The following FBXL13 variants were observed in gnomAD, a reference collection of about 807,000 sequenced individuals.
The protein encoded by FBXL13 is F-box and leucine rich repeat protein 13.
FBXL13 carries 67 observed loss-of-function variants against 83.6 expected under a neutral mutation model. That is an observed-to-expected ratio of 0.80 (90% CI 0.66 to 0.98). FBXL13 has a LOEUF of 0.98. Among genes scored for constraint, FBXL13 ranks in the 50% least tolerant of loss-of-function variants. The pLI, the probability that FBXL13 is intolerant of heterozygous loss-of-function variation, is 0.00. For synonymous variants in FBXL13, 272 were observed against 299.5 expected (o/e 0.91, Z 0.95); for missense variants, 822 against 866.5 (o/e 0.95, Z 0.64).
intron 18 of FBXL13, among the ~76,000 whole-genome samples, chr7:102,827,532 T>A (rs1355732884): frequency 3.4e-5 from 5 of 148,900 alleles, no homozygotes; most frequent in Non-Finnish European, 6.0e-5. Context: ...CCATTGATCA[T>A]TTTTTTTTTA....
At chr7:103,016,115 TTATCAAAC>T (rs1379743422) in intron 6 of FBXL13, among the ~76,000 whole-genome samples, 3 of 152,286 alleles carry the variant, frequency 2.0e-5, no homozygotes, top group Admixed American at 2.0e-4. Flanking sequence ...AATGCTATTC[TTATCAAAC>T]TACCAATGAC....
intron 6 of FBXL13, among the ~76,000 whole-genome samples, chr7:102,991,856 C>T (rs909088387): frequency 1.3e-5 from 2 of 152,118 alleles, no homozygotes; most frequent in African/African-American, 2.4e-5. Context: ...ATAAGTGGTG[C>T]GCAGTGTGAG....
At chr7:102,910,549 T>C (rs989146571) in intron 11 of FBXL13, among the ~76,000 whole-genome samples, 3 of 151,996 alleles carry the variant, frequency 2.0e-5, no homozygotes, top group African/African-American at 7.2e-5. Context: ...AAATAGCCTA[T>C]GCCCTGCTGG....
At chr7:103,014,116 T>C (rs890803678) in intron 6 of FBXL13, among the ~76,000 whole-genome samples, 5 of 152,144 alleles carry the variant, frequency 3.3e-5, no homozygotes, top group Non-Finnish European at 4.4e-5. Flanking sequence ...CAGACTAATA[T>C]TGAGTTCCAA....
chr7:103,024,135 A>AAGAGAGAGAGAGAGAGAGAGAGAG (rs59206823), intron 6 of FBXL13, among the ~76,000 whole-genome samples: 4 of 96,700 alleles, frequency 4.1e-5, no homozygotes, highest in East Asian at 2.7e-4. Context: ...AAAAGTTAAA[A>AAGAGAGAGAGAGAGAGAGAGAGAG]AGAGAGAGAG....
chr7:102,963,663 A>T (rs138864542), exon 8 of FBXL13: 204 of 1,594,230 alleles, frequency 1.3e-4, no homozygotes, highest in Non-Finnish European at 1.6e-4. Flanking sequence ...AGGAAAAATC[A>T]ATCTAAAAAG....
chr7:102,842,827 G>A (rs902098189), intron 17 of FBXL13, among the ~76,000 whole-genome samples: 1 of 152,238 alleles, frequency 6.6e-6, no homozygotes, highest in African/African-American at 2.4e-5. Flanking sequence ...ACAAGACTCA[G>A]AACTCTGAAC....
intron 11 of FBXL13, among the ~76,000 whole-genome samples, chr7:102,895,813 T>C (rs1190107391): frequency 2.0e-5 from 3 of 152,238 alleles, no homozygotes; most frequent in Admixed American, 6.5e-5. Flanking sequence ...ATTAAAACTC[T>C]TTCTCCTACT....
At chr7:102,893,481 G>A (rs987335511) in intron 11 of FBXL13, among the ~76,000 whole-genome samples, 2 of 152,138 alleles carry the variant, frequency 1.3e-5, no homozygotes, top group African/African-American at 4.8e-5. Context: ...TTCAAGAAAG[G>A]AGAGGCTGGG....
intron 11 of FBXL13, among the ~76,000 whole-genome samples, chr7:102,903,146 G>T (rs1460777600): frequency 6.6e-6 from 1 of 151,644 alleles, no homozygotes; most frequent in East Asian, 1.9e-4. Flanking sequence ...TACTTTTTTG[G>T]TTAATTCCTA....
intron 8 of FBXL13, chr7:102,939,352 A>C: frequency 4.9e-6 from 6 of 1,231,676 alleles, no homozygotes; most frequent in Non-Finnish European, 6.8e-6. Context: ...CTGATTCTTC[A>C]ATCACACAGA....
At chr7:102,956,754 A>C (rs1824333461) in intron 8 of FBXL13, among the ~76,000 whole-genome samples, 1 of 152,202 alleles carries the variant, frequency 6.6e-6, no homozygotes, top group South Asian at 2.1e-4. Flanking sequence ...ACAAACAGAG[A>C]GCCAGATTAT....
In FBXL13 at chr7:102,977,953, G is replaced by C. The variant is rs546859445; in HGVS notation, c.496-9836C>G. On this transcript the variant is annotated intron_variant, in intron 6 of 19. Transcript: ENST00000313221. ...CACACACCGGGGCCTGTTGTGGGGT[G>C]GGGGGAGAGGGGACGGATAGCATTA... is the stretch of plus-strand genomic sequence containing the variant. 1.9e-4 allele frequency among the ~76,000 whole-genome samples: 29 copies of C among 152,236 alleles called. No individual in the cohort carries two copies. The East Asian group carries it at 5.0e-3, about 26-fold the overall frequency.
chr7:102,978,071 C>T lies in FBXL13; in HGVS notation c.496-9954G>A, dbSNP rs140064593. Among the ~76,000 whole-genome samples the T allele has an allele frequency of 6.3e-3, 958 of 152,128 alleles. 7 individuals carry two copies. Among genetic ancestry groups the T allele is most frequent in the Middle Eastern group, 0.017 (5 of 294 alleles). Reference sequence around the variant, plus strand: ...TGTATACATATGTAACTAACCTGCACGTTGTGCACATGTACCCTAAAACTT... The same window carrying T: ...TGTATACATATGTAACTAACCTGCATGTTGTGCACATGTACCCTAAAACTT... On this transcript the variant is annotated intron_variant, in intron 6 of 19. Coordinates refer to ENST00000313221, the Ensembl canonical transcript of FBXL13.
intron 16 of FBXL13, among the ~76,000 whole-genome samples, chr7:102,855,517 A>T (rs1332885203): frequency 6.6e-6 from 1 of 152,066 alleles, no homozygotes; most frequent in South Asian, 2.1e-4. Context: ...TCAGATAAGG[A>T]ACTGACTAAT....
intron 8 of FBXL13, chr7:102,944,284 G>C (rs531608842): frequency 6.2e-7 from 1 of 1,613,898 alleles, no homozygotes; most frequent in Admixed American, 1.7e-5. Context: ...TGACTATGGC[G>C]TATTAGAAGA....
downstream of FBXL13, chr7:102,813,087 G>T (rs752212403): frequency 1.2e-5 from 4 of 320,522 alleles, no homozygotes; most frequent in South Asian, 5.9e-5. Flanking sequence ...TGGTCCACCC[G>T]CCTTGGCCTA....
At chr7:102,989,608 G>T (rs1829352449) in intron 6 of FBXL13, among the ~76,000 whole-genome samples, 1 of 152,244 alleles carries the variant, frequency 6.6e-6, no homozygotes, top group Non-Finnish European at 1.5e-5. Flanking sequence ...GCTCTCAGCA[G>T]CATAGGGAGG....
rs1205859622 is a variant in FBXL13, at chr7:102,867,695, A to ATT, written c.1635+9770_1635+9771dup. ...TATATATATATATATATATATATAT[A>ATT]TTTTTTTTTTTTTTTTTTTTTTTTT... is the stretch of plus-strand genomic sequence containing the variant. On this transcript the variant is annotated intron_variant, in intron 16 of 19. Coordinates refer to ENST00000313221, the Ensembl canonical transcript of FBXL13. Among the ~76,000 whole-genome samples, 472 of 49,088 alleles carry ATT rather than the reference A, an allele frequency of 9.6e-3. 20 individuals are homozygous for ATT. The highest frequency in any genetic ancestry group is 0.011 in the African/African-American group (87 of 8,164). 32.2% of individuals were successfully genotyped at this position (49,088 alleles called of 152,430 possible). A position where few individuals can be genotyped will look rare whatever the true frequency, so the allele number is the denominator to read the frequency against.
Sources: allele counts gnomAD v4.1 joint callset (sites outside exome capture counted in the v4.1 genomes callset), GRCh38; gene constraint gnomAD v4.1.1; transcripts MANE v1.5; gene names NCBI Gene and HGNC (gene_info 2026-07-23, HGNC 2026-07-21).